Variants in EVC2 observed in about 807,000 individuals in gnomAD.
The protein encoded by EVC2 is limbin.
EVC2 carries 148 observed loss-of-function variants against 149.3 expected under a neutral mutation model. The observed-to-expected ratio is 0.99, with a 90% CI of 0.87 to 1.14. The LOEUF is 1.14. Ranked by LOEUF, EVC2 falls within the 50% of genes most tolerant of loss-of-function variation. The pLI is 0.00. For missense variants in EVC2, 1,854 were observed against 1,627.3 expected (o/e 1.14, Z -2.40); for synonymous variants, 776 against 649.9 (o/e 1.19, Z -2.95).
chr4:5,603,917 C>G (rs1012110822), intron 16 of EVC2, among the ~76,000 whole-genome samples: 1 of 152,206 alleles, frequency 6.6e-6, no homozygotes, highest in East Asian at 1.9e-4. Context: ...CAAAGAGGAA[C>G]TGAAATGTCC....
intron 9 of EVC2, among the ~76,000 whole-genome samples, chr4:5,644,047 T>C (rs2108868806): frequency 6.6e-6 from 1 of 152,328 alleles, no homozygotes; most frequent in Middle Eastern, 3.4e-3. Flanking sequence ...AAGTTTCCTT[T>C]ATTCTAGAAC....
intron 12 of EVC2, among the ~76,000 whole-genome samples, chr4:5,627,808 A>G (rs1716225525): frequency 6.6e-6 from 1 of 152,164 alleles, no homozygotes; most frequent in Non-Finnish European, 1.5e-5. Flanking sequence ...CTTAGTGTCA[A>G]AGGTGAATGC....
intron 16 of EVC2, among the ~76,000 whole-genome samples, chr4:5,612,816 G>C (rs1714941977): frequency 6.6e-6 from 1 of 151,324 alleles, no homozygotes; most frequent in African/African-American, 2.4e-5. Context: ...CAGCTACTTG[G>C]GAGGCTGAGG....
At chr4:5,652,256 C>A (rs532319916) in intron 9 of EVC2, among the ~76,000 whole-genome samples, 23 of 152,270 alleles carry the variant, frequency 1.5e-4, no homozygotes, top group African/African-American at 5.3e-4. Flanking sequence ...GGAAGTCCCA[C>A]GCAGGGACCA....
At position 5,597,542 on chromosome 4, in the gene EVC2, A is replaced by C. The variant is rs1204448092; in HGVS notation, c.2830-12692T>G. Reference sequence around the variant, plus strand: ...ACCCTTCATGCTAAAAACTCTCAATAAATTAGGTATTGATGGGACATATCT... The same window carrying C: ...ACCCTTCATGCTAAAAACTCTCAATCAATTAGGTATTGATGGGACATATCT... On this transcript the variant is annotated intron_variant, in intron 16 of 21. Transcript: ENST00000344408. 2.4e-4 allele frequency among the ~76,000 whole-genome samples: 36 copies of C among 151,488 alleles called. No homozygotes were observed. The East Asian group carries it at 4.4e-3, about 18-fold the overall frequency.
chr4:5,626,499 A>ATT, intron 12 of EVC2, among the ~76,000 whole-genome samples: 1 of 151,634 alleles, frequency 6.6e-6, no homozygotes, highest in South Asian at 2.1e-4. Context: ...ACGCCAGCTA[A>ATT]TTTTTTTTGT....
chr4:5,535,788 T>TG, the EVC2 span, among the ~76,000 whole-genome samples: 1 of 152,066 alleles, frequency 6.6e-6, no homozygotes, highest in Non-Finnish European at 1.5e-5. The surrounding 1 kb of genome is among the most constrained non-coding windows in gnomAD (Gnocchi z 4.7). Flanking sequence ...ATATAAATTT[T>TG]GGGGGAGAGG....
At chr4:5,561,221 G>A (rs1291958892), downstream of EVC2, among the ~76,000 whole-genome samples, 1 of 152,158 alleles carries the variant, frequency 6.6e-6, no homozygotes, top group Admixed American at 6.5e-5. Context: ...ACATAGATGT[G>A]GTGGACTTTA....
At chr4:5,535,601 A>AAGAGAGAGAGAGAGAGAGAGAGAGAG in the EVC2 span, among the ~76,000 whole-genome samples, 74 of 118,200 alleles carry the variant, frequency 6.3e-4, 2 homozygotes, top group African/African-American at 1.4e-3. The surrounding 1 kb of genome is among the most constrained non-coding windows in gnomAD (Gnocchi z 4.7). Context: ...CATGCTTAGA[A>AAGAGAGAGAGAGAGAGAGAGAGAGAG]AGAGAGAGAG....
At position 5,545,667 on chromosome 4, in the gene EVC2, A is replaced by C. The variant is rs550935426; in HGVS notation, c.3420-2455T>G. On this transcript the variant is annotated intron_variant and NMD_transcript_variant, in intron 21 of 22. Coordinates refer to the EVC2 transcript ENST00000475313. The stretch of plus-strand genomic sequence containing the variant: ...TTTCTCCCTTTCTATCATACTAGAG[A>C]GTCCCAATTTAAAATGACCTTTCTT... Among the ~76,000 whole-genome samples, 4 of 152,296 alleles carry C rather than the reference A, an allele frequency of 2.6e-5. No homozygotes were observed. The Middle Eastern group carries it at 0.01, about 389-fold the overall frequency.
chr4:5,706,257 T>A (rs527580403), intron 1 of EVC2, among the ~76,000 whole-genome samples: 1 of 151,006 alleles, frequency 6.6e-6, no homozygotes, highest in East Asian at 2.0e-4. Context: ...CCCAGCCCCC[T>A]GCACACAGCA....
At chr4:5,688,338 C>T (rs367709800) in intron 5 of EVC2, among the ~76,000 whole-genome samples, 22 of 152,204 alleles carry the variant, frequency 1.4e-4, no homozygotes, top group African/African-American at 4.8e-4. Flanking sequence ...AGAAGCATGA[C>T]GGTTTAAAGG....
At chr4:5,608,374 T>C (rs1451979223) in intron 16 of EVC2, among the ~76,000 whole-genome samples, 8 of 152,190 alleles carry the variant, frequency 5.3e-5, no homozygotes, top group African/African-American at 1.9e-4. Flanking sequence ...TCTTTCCAGC[T>C]TCATGAACTC....
intron 16 of EVC2, among the ~76,000 whole-genome samples, chr4:5,587,495 G>A (rs1217165809): frequency 6.6e-6 from 1 of 152,132 alleles, no homozygotes; most frequent in Non-Finnish European, 1.5e-5. Flanking sequence ...TCAATTTTTG[G>A]AAGATTTTTA....
At chr4:5,649,472 A>C (rs80199108) in intron 9 of EVC2, among the ~76,000 whole-genome samples, 1 of 151,620 alleles carries the variant, frequency 6.6e-6, no homozygotes, top group South Asian at 2.1e-4. Context: ...TACTAATGAT[A>C]AAAAAAGAGA....
In EVC2 at chr4:5,618,577, G is replaced by C. The variant is rs752513992; in HGVS notation, c.2607C>G (p.Pro869=). 28 of 1,614,032 alleles carry C rather than the reference G, an allele frequency of 1.7e-5. No individual in the cohort carries two copies. Among genetic ancestry groups the C allele is most frequent in the Non-Finnish European group, 1.9e-5 (22 of 1,180,040 alleles). ...GCAGCAGAACTCGGGCCCGGATCTT[G>C]GGGAGGGCCAAGCTCCTGTCCATCT... is the stretch of plus-strand genomic sequence containing the variant. ...FAQMDRSLAL[P]KIRARVLLQQ... Residue 869 remains proline (P), a synonymous_variant, in exon 15 of 22, where the codon CCC becomes CCG. Transcript: ENST00000344408. The surrounding 1 kb of genome is among the most constrained non-coding windows in gnomAD (Gnocchi z 4.4).
At position 5,652,554 on chromosome 4, in the gene EVC2, G is replaced by C. The variant is rs763057589; in HGVS notation, c.1145+10553C>G. Reference sequence around the variant, plus strand: ...GACGAAGGTGTCAGCTCATGCAAACGGTAGGCAGCTGTGCCAGGAAGTTAA... The same window carrying C: ...GACGAAGGTGTCAGCTCATGCAAACCGTAGGCAGCTGTGCCAGGAAGTTAA... On this transcript the variant is annotated intron_variant, in intron 9 of 21. Coordinates refer to ENST00000344408, the MANE Select transcript of EVC2 (RefSeq NM_147127.5). Among the ~76,000 whole-genome samples the C allele has an allele frequency of 4.7e-4, 71 of 152,122 alleles. 1 individual carries two copies. Among genetic ancestry groups the C allele is most frequent in the Non-Finnish European group, 8.8e-4 (60 of 68,020 alleles).
At chr4:5,655,913 C>T (rs1290627665) in intron 9 of EVC2, among the ~76,000 whole-genome samples, 2 of 152,140 alleles carry the variant, frequency 1.3e-5, no homozygotes, top group African/African-American at 4.8e-5. Context: ...GAATATCTCA[C>T]AACAGGTCAT....
chr4:5,691,400 T>G, intron 3 of EVC2, 67 bp from the exon 4 acceptor site: 1 of 1,327,694 alleles, frequency 7.5e-7, no homozygotes, highest in South Asian at 1.2e-5. Flanking sequence ...TTAATAAAAG[T>G]ACAAGATAAT....
Sources: allele counts gnomAD v4.1 joint callset (sites outside exome capture counted in the v4.1 genomes callset), GRCh38; gene constraint gnomAD v4.1.1; non-coding constraint Gnocchi (gnomAD v3.1); transcripts MANE v1.5; gene names NCBI Gene and HGNC (gene_info 2026-07-23, HGNC 2026-07-21).